PLCH2: variants seen among roughly 807,000 people sequenced by gnomAD.
The protein encoded by PLCH2 is 1-phosphatidylinositol 4,5-bisphosphate phosphodiesterase eta-2.
Under a neutral mutation model 134.7 loss-of-function variants are expected in PLCH2, and 98 were observed. That is an observed-to-expected ratio of 0.73 (90% CI 0.62 to 0.86). The LOEUF is 0.86. Ranked by LOEUF, PLCH2 falls within the 40% of genes least tolerant of loss-of-function variation. The pLI is 0.00. For missense variants in PLCH2, 1,994 were observed against 1,986.6 expected, an observed-to-expected ratio of 1.00 and a Z score of -0.07; for synonymous variants, 974 against 827.5, an observed-to-expected ratio of 1.18 and a Z score of -3.04.
Position 2,505,113 on chromosome 1 carries a change from C to T in PLCH2, c.4151C>T (p.Ser1384Phe). The change falls in exon 22 of 22, where the codon TCC (serine) becomes TTC (phenylalanine). Residue 1384 changes from serine to phenylalanine, a missense_variant. Ser to Phe is a radical substitution (Grantham distance 155). Transcript: ENST00000378486. Reference protein sequence around the residue: ...EERGTPEGACSVGHEGSVDAP... With the variant: ...EERGTPEGACFVGHEGSVDAP... The stretch of plus-strand genomic sequence containing the variant: ...CGGGGCACCCCCGAGGGCGCCTGCT[C>T]CGTGGGCCACGAGGGCAGTGTGGAT... The T allele has an allele frequency of 1.3e-6, 2 of 1,546,036 alleles. No individual in the cohort carries two copies. The highest frequency in any genetic ancestry group is 1.7e-6 in the Non-Finnish European group (2 of 1,154,472).
At chr1:2,429,872 G>T (rs964975489) in intron 1 of PLCH2, among the ~76,000 whole-genome samples, 4 of 152,136 alleles carry the variant, frequency 2.6e-5, no homozygotes, top group Non-Finnish European at 5.9e-5. Context: ...AGGAGGGGCT[G>T]GGGGGGCCGG....
intron 2 of PLCH2, among the ~76,000 whole-genome samples, chr1:2,443,763 C>A (rs1484314290): frequency 6.8e-6 from 1 of 147,474 alleles, no homozygotes; most frequent in East Asian, 2.0e-4. Flanking sequence ...CGCGCGGCGC[C>A]TCCACGGGGC....
chr1:2,504,358 G>C lies in PLCH2; in HGVS notation c.3396G>C (p.Gln1132His). 1 of 1,610,306 alleles carries C rather than the reference G, an allele frequency of 6.2e-7. No homozygotes were observed. Among genetic ancestry groups the C allele is most frequent in the Non-Finnish European group, 8.5e-7 (1 of 1,179,520 alleles). Reference sequence around the variant, plus strand: ...CCACGGGCAGTGACCCGCTGTGGCAGCGGCTGGAGCCATGTGGCCACCGAG... The same window carrying C: ...CCACGGGCAGTGACCCGCTGTGGCACCGGCTGGAGCCATGTGGCCACCGAG... ...SDATGSDPLW[Q>H]RLEPCGHRDS... The change falls in exon 22 of 22, where the codon CAG becomes CAC. Residue 1132 changes from glutamine (Q) to histidine (H), a missense_variant. Gln to His is a conservative substitution (Grantham distance 24). This residue lies in a region of PLCH2 where 900 missense variants were observed against 752.3 expected (regional missense o/e 1.20). Transcript: ENST00000378486.
intron 2 of PLCH2, among the ~76,000 whole-genome samples, 182 bp downstream of exon 2, chr1:2,478,804 C>A (rs1463289180): frequency 6.6e-6 from 1 of 152,106 alleles, no homozygotes; most frequent in Non-Finnish European, 1.5e-5. Context: ...GGGATCCAGG[C>A]CCCCTGCCCG....
chr1:2,493,709 C>T (rs1264697980), intron 11 of PLCH2: 1 of 152,422 alleles, frequency 6.6e-6, no homozygotes, highest in African/African-American at 2.4e-5. Flanking sequence ...ACTGAGAGGC[C>T]CGTCTGGCAT....
At chr1:2,460,538 G>A (rs1292042084) in intron 2 of PLCH2, among the ~76,000 whole-genome samples, 1 of 152,258 alleles carries the variant, frequency 6.6e-6, no homozygotes, top group African/African-American at 2.4e-5. Context: ...TGGGATCCTG[G>A]GAGCCAAAGG....
At position 2,442,566 on chromosome 1, in the gene PLCH2, C is replaced by T. The variant is rs1425510128; in HGVS notation, c.115+11937C>T. Among the ~76,000 whole-genome samples the T allele has an allele frequency of 4.6e-5, 7 of 152,346 alleles. No individual in the cohort carries two copies. In the South Asian group the frequency reaches 1.4e-3, roughly 32 times the overall value. ...TGTGTGTGTCCTTAGTGGCCTGTGC[C>T]CCTTTCTCAGCTCTGGCGAGGACCC... is the stretch of plus-strand genomic sequence containing the variant. On this transcript the variant is annotated intron_variant, in intron 2 of 3. Transcript: ENST00000609981.
In PLCH2 at chr1:2,476,313, A is replaced by G; in HGVS notation, c.-276A>G. On this transcript the variant is annotated 5_prime_UTR_variant, in exon 1 of 22. Transcript: ENST00000378486. ...GGTCCTTTGCTCCCCCAGCCTTGGG[A>G]GGCGGCTGCGTCAGGGATTCCTTGG... The G allele has an allele frequency of 2.7e-6, 1 of 365,554 alleles. No individual in the cohort carries two copies. Among genetic ancestry groups the G allele is most frequent in the Non-Finnish European group, 4.9e-6 (1 of 204,234 alleles). The allele number at this position is 365,554 out of a possible 1,614,324, so 22.6% of individuals were successfully genotyped here. A position where few individuals can be genotyped will look rare whatever the true frequency, so the allele number is the denominator to read the frequency against.
At chr1:2,436,023 C>CCCTCCTCCCTTCT (rs1639322913) in intron 2 of PLCH2, among the ~76,000 whole-genome samples, 1 of 103,796 alleles carries the variant, frequency 9.6e-6, no homozygotes, top group East Asian at 2.7e-4. Context: ...CTCCTCTCTC[C>CCCTCCTCCCTTCT]TCCCTCCTCC....
Position 2,498,983 on chromosome 1 carries a change from G to A in PLCH2, c.2435-101G>A, listed in dbSNP as rs1048269209. Reference sequence around the variant, plus strand: ...GGTGGGCAGTCCCGGAAGCAGCACCGGGAGTGGCACTGGGAGTGGTGTGGG... The same window carrying A: ...GGTGGGCAGTCCCGGAAGCAGCACCAGGAGTGGCACTGGGAGTGGTGTGGG... On this transcript the variant is annotated intron_variant, in intron 18 of 21. Transcript: ENST00000378486. The surrounding 1 kb of genome is among the most constrained non-coding windows in gnomAD (Gnocchi z 5.4). 2.1e-4 allele frequency: 310 copies of A among 1,449,562 alleles called. No homozygotes were observed. The highest frequency in any genetic ancestry group is 1.5e-3 in the Middle Eastern group (7 of 4,538). 89.8% of individuals were successfully genotyped at this position (1,449,562 alleles called of 1,614,324 possible).
intron 2 of PLCH2, among the ~76,000 whole-genome samples, chr1:2,438,196 C>T (rs549360754): frequency 6.1e-4 from 93 of 152,334 alleles, no homozygotes; most frequent in African/African-American, 2.2e-3. Context: ...AATGAGCAAG[C>T]GCGGAGATGA....
intron 2 of PLCH2, 25 bp downstream of exon 2, chr1:2,478,647 A>G: frequency 6.3e-7 from 1 of 1,591,748 alleles, no homozygotes; most frequent in Non-Finnish European, 8.5e-7. Flanking sequence ...TGGGGTGGGG[A>G]CAAATCAGAG....
At chr1:2,446,038 G>A (rs1031077044) in intron 2 of PLCH2, among the ~76,000 whole-genome samples, 4 of 151,378 alleles carry the variant, frequency 2.6e-5, no homozygotes, top group African/African-American at 9.7e-5. Flanking sequence ...GCACGCCGAC[G>A]GGAGGGGGGC....
chr1:2,462,688 C>T (rs1429200939), upstream of PLCH2, among the ~76,000 whole-genome samples: 2 of 152,114 alleles, frequency 1.3e-5, no homozygotes, highest in South Asian at 2.1e-4. Flanking sequence ...CTCTGGGCAT[C>T]GCTGGGGTGG....
rs767869631 is a variant in PLCH2 at position 2,502,480 on chromosome 1, C to T, written c.2959+71C>T. The T allele has an allele frequency of 5.8e-5, 84 of 1,438,448 alleles. 1 individual carries two copies. Among genetic ancestry groups the T allele is most frequent in the Admixed American group, 7.9e-5 (4 of 50,836 alleles). The allele number at this position is 1,438,448 out of a possible 1,614,324, so 89.1% of individuals were successfully genotyped here. ...GGCCCCCGCGTGTCCTGGACGGCCC[C>T]GGGCCTGCTGGGATGGCCGCCACAT... On this transcript the variant is annotated intron_variant, in intron 21 of 21. Coordinates refer to ENST00000378486, the MANE Select transcript of PLCH2 (RefSeq NM_014638.4).
At chr1:2,499,030 G>T in intron 18 of PLCH2, 54 bp from the exon 19 acceptor site, 2 of 1,568,790 alleles carry the variant, frequency 1.3e-6, no homozygotes. Flanking sequence ...AGGCTGGAGC[G>T]GTGCTGGGCC....
chr1:2,485,987 A>G (rs1323934496), intron 5 of PLCH2, among the ~76,000 whole-genome samples: 2 of 151,872 alleles, frequency 1.3e-5, no homozygotes, highest in Non-Finnish European at 2.9e-5. Flanking sequence ...GACACCCGGG[A>G]CGCATGGCCC....
the PLCH2 span, among the ~76,000 whole-genome samples, chr1:2,418,708 G>C: frequency 2.0e-5 from 3 of 152,138 alleles, no homozygotes; most frequent in Non-Finnish European, 4.4e-5. Flanking sequence ...GAGCCTGCCC[G>C]CCTGCCTCCG....
At chr1:2,489,504 C>A in intron 9 of PLCH2, 126 bp downstream of exon 9, 1 of 1,010,274 alleles carries the variant, frequency 9.9e-7, no homozygotes, top group Non-Finnish European at 1.5e-6. Context: ...GAGGGCTGGC[C>A]ACGCTCCTGA....
Sources: gnomAD v4.1 joint callset for allele counts (sites outside exome capture counted in the v4.1 genomes callset) on GRCh38, gnomAD v4.1.1 for gene constraint, gnomAD v4.1.1 regional missense constraint, Gnocchi (gnomAD v3.1) non-coding constraint, MANE v1.5 for transcripts, NCBI Gene and HGNC (gene_info 2026-07-23, HGNC 2026-07-21) for gene names.